Variants in AK4 observed in about 807,000 individuals in gnomAD.
AK4 encodes adenylate kinase 4, also known as adenylate kinase 4, mitochondrial.
A neutral mutation model predicts 24.6 loss-of-function variants in AK4; 13 were observed. That is an observed-to-expected ratio of 0.53 (90% confidence interval 0.34 to 0.84). AK4 has a LOEUF of 0.84. Among genes scored for constraint, AK4 ranks in the 40% least tolerant of loss-of-function variants. AK4 has a pLI of 0.01. For synonymous variants in AK4, 88 were observed against 107.0 expected, an observed-to-expected ratio of 0.82 and a Z score of 1.10; for missense variants, 192 against 288.2, an observed-to-expected ratio of 0.67 and a Z score of 2.42.
At chr1:65,164,583 C>G (rs970947828) in intron 1 of AK4, among the ~76,000 whole-genome samples, 1 of 152,154 alleles carries the variant, frequency 6.6e-6, no homozygotes, top group South Asian at 2.1e-4. Flanking sequence ...AAATTCCATT[C>G]AAATCCTTTG....
chr1:65,176,270 A>G (rs1424525631), intron 1 of AK4, among the ~76,000 whole-genome samples: 2 of 152,042 alleles, frequency 1.3e-5, no homozygotes, highest in Non-Finnish European at 2.9e-5. Context: ...TATCTTGGCT[A>G]TTATAGAAGC....
At chr1:65,204,016 C>T (rs913688604) in intron 2 of AK4, among the ~76,000 whole-genome samples, 2 of 152,010 alleles carry the variant, frequency 1.3e-5, no homozygotes, top group African/African-American at 4.8e-5. Context: ...CACTATAAAA[C>T]ATCCAAGCCA....
At chr1:65,174,886 A>G (rs1125092) in intron 1 of AK4, among the ~76,000 whole-genome samples, 56,459 of 152,088 alleles carry the variant, frequency 0.37, 12,292 homozygotes, top group African/African-American at 0.61. Context: ...TAATACGTAC[A>G]AGGGAGTATA....
chr1:65,217,479 T>C (rs1453050616), intron 2 of AK4, among the ~76,000 whole-genome samples: 1 of 152,200 alleles, frequency 6.6e-6, no homozygotes, highest in African/African-American at 2.4e-5. Flanking sequence ...CAGCTCTTCA[T>C]CTACCTGGTT....
chr1:65,175,663 C>G (rs955207879), intron 1 of AK4, among the ~76,000 whole-genome samples: 8 of 152,150 alleles, frequency 5.3e-5, no homozygotes, highest in African/African-American at 1.9e-4. Context: ...GTAAGAAAAT[C>G]CAGAGGGCCC....
At chr1:65,193,968 TATA>T (rs1294046518) in intron 2 of AK4, among the ~76,000 whole-genome samples, 2 of 152,184 alleles carry the variant, frequency 1.3e-5, no homozygotes, top group Non-Finnish European at 2.9e-5. Context: ...GGCATGTGCC[TATA>T]ATCCCAGCTA....
At chr1:65,152,068 TTGAG>T (rs1649788949) in intron 1 of AK4, among the ~76,000 whole-genome samples, 1 of 152,142 alleles carries the variant, frequency 6.6e-6, no homozygotes, top group Admixed American at 6.6e-5. Flanking sequence ...TGGCACTCTA[TTGAG>T]TGAGTCCTAC....
intron 1 of AK4, among the ~76,000 whole-genome samples, chr1:65,164,091 T>C (rs1650255530): frequency 6.6e-6 from 1 of 152,238 alleles, no homozygotes; most frequent in Non-Finnish European, 1.5e-5. Context: ...TAAACTGTAA[T>C]TTCTAATCTT....
chr1:65,181,534 G>A (rs1291430829), intron 1 of AK4, among the ~76,000 whole-genome samples: 2 of 151,906 alleles, frequency 1.3e-5, no homozygotes, highest in Admixed American at 6.6e-5. Context: ...CTACAGGCAT[G>A]TGCCACCATG....
At chr1:65,179,811 G>A (rs766015513) in intron 1 of AK4, among the ~76,000 whole-genome samples, 3 of 152,056 alleles carry the variant, frequency 2.0e-5, no homozygotes, top group African/African-American at 4.8e-5. Context: ...CTTCAGCCTC[G>A]GTGACAAAGT....
chr1:65,171,844 G>A (rs988180417), intron 1 of AK4, among the ~76,000 whole-genome samples: 4 of 151,358 alleles, frequency 2.6e-5, no homozygotes, highest in African/African-American at 9.7e-5. Flanking sequence ...GAAGTGGGTG[G>A]ATCACTTGAG....
chr1:65,181,241 C>T (rs549411603), intron 1 of AK4, among the ~76,000 whole-genome samples: 37 of 151,648 alleles, frequency 2.4e-4, no homozygotes, highest in Non-Finnish European at 4.6e-4. Context: ...GCTCCTTTTT[C>T]CATCTCTCTC....
Position 65,158,795 on chromosome 1 carries a change from C to T in AK4, c.145+10243C>T, listed in dbSNP as rs1009058506. Among the ~76,000 whole-genome samples the T allele has an allele frequency of 3.9e-5, 6 of 152,268 alleles. No homozygotes were observed. The East Asian group carries it at 1.2e-3, about 29-fold the overall frequency. On this transcript the variant is annotated intron_variant, in intron 1 of 4. Transcript: ENST00000327299. ...GTGCTGGGATTACAGGTGTGAGCCA[C>T]TGCACCCGGCCCAAACTAGATTTTT...
chr1:65,231,170 G>A lies in AK4; in HGVS notation c.*4993G>A, dbSNP rs1321114056. 2 of 152,196 alleles carry A rather than the reference G, an allele frequency of 1.3e-5. No homozygotes were observed. The highest frequency in any genetic ancestry group is 2.1e-4 in the South Asian group (1 of 4,834). The allele number at this position is 152,196 out of a possible 1,614,324, so 9.4% of individuals were successfully genotyped here. ...GAGAAGTGTGCAGGCCCCAGAGGTTGAGAAGCCATATTTCAACTGTGAAAA... is the reference window on the plus strand; with the variant it reads ...GAGAAGTGTGCAGGCCCCAGAGGTTAAGAAGCCATATTTCAACTGTGAAAA... On this transcript the variant is annotated 3_prime_UTR_variant, in exon 5 of 5. Transcript: ENST00000327299.
intron 1 of AK4, among the ~76,000 whole-genome samples, chr1:65,189,332 G>A (rs146273147): frequency 6.8e-6 from 1 of 146,438 alleles, no homozygotes; most frequent in Non-Finnish European, 1.5e-5. Flanking sequence ...AGACTGGAGT[G>A]CAATGGCTCA....
intron 2 of AK4, among the ~76,000 whole-genome samples, chr1:65,201,839 T>C (rs1289897113): frequency 6.6e-6 from 1 of 152,060 alleles, no homozygotes; most frequent in Non-Finnish European, 1.5e-5. Flanking sequence ...GAAGATCACA[T>C]GGAAAAGCTC....
At chr1:65,201,744 G>C (rs367683575) in intron 2 of AK4, among the ~76,000 whole-genome samples, 1 of 152,096 alleles carries the variant, frequency 6.6e-6, no homozygotes, top group East Asian at 1.9e-4. Flanking sequence ...AGGTGAGGGA[G>C]GCAGGTATTA....
chr1:65,200,265 C>T (rs1651623264), intron 2 of AK4, among the ~76,000 whole-genome samples: 1 of 152,138 alleles, frequency 6.6e-6, no homozygotes, highest in Non-Finnish European at 1.5e-5. Flanking sequence ...AGGTGCCTGC[C>T]ACTATGCCTG....
In AK4 at chr1:65,226,076, C is replaced by T. The variant is rs770245271; in HGVS notation, c.571C>T (p.Leu191Phe). The T allele has an allele frequency of 1.2e-6, 2 of 1,611,888 alleles. No homozygotes were observed. The highest frequency in any genetic ancestry group is 2.2e-5 in the East Asian group (1 of 44,864). ...TTTGTTTTTCAGGAGCCGAGGAGTGCTCCACCAATTTTCCGGAACGGAGAC... is the reference window on the plus strand; with the variant it reads ...TTTGTTTTTCAGGAGCCGAGGAGTGTTCCACCAATTTTCCGGAACGGAGAC... ...VIELYKSRGVLHQFSGTETNK... is the reference protein window; with the variant it reads ...VIELYKSRGVFHQFSGTETNK... The change falls in exon 5 of 5, where the codon CTC becomes TTC. Residue 191 changes from leucine to phenylalanine, a missense_variant. Transcript: ENST00000327299.
Sources: allele counts gnomAD v4.1 joint callset (sites outside exome capture counted in the v4.1 genomes callset), GRCh38; gene constraint gnomAD v4.1.1; transcripts MANE v1.5; gene names NCBI Gene and HGNC (gene_info 2026-07-23, HGNC 2026-07-21).